The following KAT2B variants were observed in gnomAD, a reference collection of about 807,000 sequenced individuals.
The protein encoded by KAT2B is lysine acetyltransferase 2B, also known as histone acetyltransferase KAT2B.
In KAT2B, 36 loss-of-function variants were observed where a neutral mutation model predicts 105.9. The ratio of observed to expected loss-of-function variants is 0.34; its 90% confidence interval spans 0.26 to 0.45. The LOEUF is 0.45. Among genes scored for constraint, KAT2B ranks in the 20% least tolerant of loss-of-function variants. The pLI, the probability that KAT2B is intolerant of heterozygous loss-of-function variation, is 1.00. For synonymous variants in KAT2B, 397 were observed against 377.9 expected (o/e 1.05, Z -0.59); for missense variants, 820 against 1,021.6 (o/e 0.80, Z 2.69).
chr3:20,124,145 A>G (rs1409410573), intron 9 of KAT2B, among the ~76,000 whole-genome samples: 4 of 152,170 alleles, frequency 2.6e-5, no homozygotes, highest in Non-Finnish European at 2.9e-5. Context: ...GCTTAAGACT[A>G]TAGTTTTTTA....
At chr3:20,101,537 T>C (rs1165194629) in intron 5 of KAT2B, 69 bp downstream of exon 5, 32 of 1,251,504 alleles carry the variant, frequency 2.6e-5, no homozygotes, top group Non-Finnish European at 3.6e-5. Context: ...TGTACTTGAC[T>C]CTATAAGTAT....
At chr3:20,086,825 A>AGGCTGGAGTGCAGTGGCGCAGTCTC (rs11268707) in intron 2 of KAT2B, among the ~76,000 whole-genome samples, 67,628 of 147,834 alleles carry the variant, frequency 0.46, 17,347 homozygotes, top group African/African-American at 0.69. Context: ...GGAGTCTCGC[A>AGGCTGGAGTGCAGTGGCGCAGTCTC]GGCTGGAGTG....
At chr3:20,091,479 T>G (rs1162358091) in intron 2 of KAT2B, among the ~76,000 whole-genome samples, 1 of 152,122 alleles carries the variant, frequency 6.6e-6, no homozygotes, top group African/African-American at 2.4e-5. Context: ...ATTGTTTTTC[T>G]TGTTTCCATT....
chr3:20,090,192 C>G (rs1248634191), intron 2 of KAT2B, among the ~76,000 whole-genome samples: 1 of 152,110 alleles, frequency 6.6e-6, no homozygotes, highest in Non-Finnish European at 1.5e-5. Context: ...ACTTTCATTT[C>G]TTTTTCTTAC....
chr3:20,094,030 C>T (rs1167969435), intron 2 of KAT2B, among the ~76,000 whole-genome samples: 1 of 152,174 alleles, frequency 6.6e-6, no homozygotes, highest in East Asian at 1.9e-4. Context: ...CAAACCCTAG[C>T]TCTGCCTTGT....
At chr3:20,129,820 C>T (rs1315041177) in intron 11 of KAT2B, among the ~76,000 whole-genome samples, 1 of 152,132 alleles carries the variant, frequency 6.6e-6, no homozygotes, top group Non-Finnish European at 1.5e-5. Flanking sequence ...TTTGTTGACT[C>T]CTTCAGCTTC....
At chr3:20,070,472 T>G (rs1328309555) in intron 1 of KAT2B, among the ~76,000 whole-genome samples, 2 of 150,994 alleles carry the variant, frequency 1.3e-5, no homozygotes. Flanking sequence ...GCCCGGCTAA[T>G]TTTTTGTATT....
At chr3:20,107,007 ATATATATATTTTTTTTTTTTTTTTTTTT>A (rs1269661648) in intron 5 of KAT2B, among the ~76,000 whole-genome samples, 2 of 25,230 alleles carry the variant, frequency 7.9e-5, no homozygotes, top group South Asian at 2.3e-3. Flanking sequence ...ATATATATAT[ATATATATATTTTTTTTTTTTTTTTTTTT>A]TTTTTTTTTT....
At position 20,073,806 on chromosome 3, in the gene KAT2B, G is replaced by A. The variant is rs534019189; in HGVS notation, c.430+1347G>A. 9.8e-4 allele frequency among the ~76,000 whole-genome samples: 149 copies of A among 152,340 alleles called. 1 individual carries two copies. The highest frequency in any genetic ancestry group is 2.5e-3 in the South Asian group (12 of 4,828). On this transcript the variant is annotated intron_variant, in intron 2 of 17. Coordinates refer to ENST00000263754, the MANE Select transcript of KAT2B (RefSeq NM_003884.5). The stretch of plus-strand genomic sequence containing the variant: ...TTAGGATTGCCTCAGGAAATGTGAC[G>A]TAATAAATGTCTGGACTCAAGAAAT...
At chr3:20,048,650 C>T (rs1697857890) in intron 1 of KAT2B, among the ~76,000 whole-genome samples, 1 of 152,144 alleles carries the variant, frequency 6.6e-6, no homozygotes, top group Non-Finnish European at 1.5e-5. Flanking sequence ...TTAGGATTTT[C>T]AAGGCTCAGT....
intron 1 of KAT2B, among the ~76,000 whole-genome samples, chr3:20,069,653 G>C (rs1698284590): frequency 6.6e-6 from 1 of 151,662 alleles, no homozygotes; most frequent in Non-Finnish European, 1.5e-5. Flanking sequence ...AGCCTCCTGA[G>C]TAGTTGGGAT....
chr3:20,078,032 G>T (rs1301732287), intron 2 of KAT2B, among the ~76,000 whole-genome samples: 2 of 152,018 alleles, frequency 1.3e-5, no homozygotes, highest in Non-Finnish European at 2.9e-5. Flanking sequence ...AAAATCAGCT[G>T]GTGTGGTGGC....
At chr3:20,096,845 G>GT (rs1383579267) in intron 3 of KAT2B, among the ~76,000 whole-genome samples, 2 of 151,988 alleles carry the variant, frequency 1.3e-5, no homozygotes, top group East Asian at 1.9e-4. Flanking sequence ...GTACTAATGG[G>GT]TTTTTTTGGG....
At chr3:20,106,035 A>G (rs965243901) in intron 5 of KAT2B, among the ~76,000 whole-genome samples, 1 of 152,186 alleles carries the variant, frequency 6.6e-6, no homozygotes, top group African/African-American at 2.4e-5. Flanking sequence ...ACTTTAATTA[A>G]GTAACTGGGC....
At chr3:20,124,214 G>T (rs1161957567) in intron 9 of KAT2B, among the ~76,000 whole-genome samples, 2 of 152,172 alleles carry the variant, frequency 1.3e-5, no homozygotes, top group Non-Finnish European at 2.9e-5. Context: ...ATAAAATGGG[G>T]ATTTGTACTA....
chr3:20,102,603 T>G (rs1478185889), intron 5 of KAT2B, among the ~76,000 whole-genome samples: 2 of 152,218 alleles, frequency 1.3e-5, no homozygotes, highest in African/African-American at 4.8e-5. Flanking sequence ...TATATTTTCT[T>G]CTAAAGTGGA....
intron 2 of KAT2B, among the ~76,000 whole-genome samples, chr3:20,081,879 A>G (rs1698525368): frequency 1.8e-5 from 1 of 54,248 alleles, no homozygotes; most frequent in Non-Finnish European, 3.1e-5. Context: ...TCATTGGCTC[A>G]TATATATATA....
At chr3:20,046,441 G>C (rs1228628589) in intron 1 of KAT2B, among the ~76,000 whole-genome samples, 1 of 152,184 alleles carries the variant, frequency 6.6e-6, no homozygotes, top group African/African-American at 2.4e-5. Context: ...AATTAGCCGG[G>C]CATGATGGTG....
chr3:20,113,598 G>A (rs767801784), intron 6 of KAT2B, among the ~76,000 whole-genome samples: 67 of 152,042 alleles, frequency 4.4e-4, no homozygotes, highest in Non-Finnish European at 6.0e-4. Context: ...CCTTTTCACC[G>A]AATATGACAA....
Sources: allele counts gnomAD v4.1 joint callset (sites outside exome capture counted in the v4.1 genomes callset), GRCh38; gene constraint gnomAD v4.1.1; transcripts MANE v1.5; gene names NCBI Gene and HGNC (gene_info 2026-07-23, HGNC 2026-07-21).